Variants in ITGA9 observed in about 807,000 individuals in gnomAD.
ITGA9 encodes the protein integrin subunit alpha 9, also known as integrin alpha-9.
Under a neutral mutation model 127.8 loss-of-function variants are expected in ITGA9, and 56 were observed. The ratio of observed to expected loss-of-function variants is 0.44; its 90% CI spans 0.35 to 0.55. The LOEUF is 0.55. Ranked by LOEUF, ITGA9 falls within the 20% of genes least tolerant of loss-of-function variation. ITGA9 has a pLI of 0.00. For missense variants in ITGA9, 1,196 were observed against 1,347.1 expected (o/e 0.89, Z 1.76); for synonymous variants, 508 against 514.5 (o/e 0.99, Z 0.17).
chr3:37,783,107 C>T lies in ITGA9; in HGVS notation c.2788-1870C>T, dbSNP rs562530067. Reference sequence around the variant, plus strand: ...TGAGCCAAGATCGTGCCATTGCACTCCAGCCTGGGCAACAGAGCGAGACTC... The same window carrying T: ...TGAGCCAAGATCGTGCCATTGCACTTCAGCCTGGGCAACAGAGCGAGACTC... On this transcript the variant is annotated intron_variant, in intron 25 of 27. Coordinates refer to ENST00000264741, the MANE Select transcript of ITGA9 (RefSeq NM_002207.3). Among the ~76,000 whole-genome samples the T allele has an allele frequency of 3.3e-5, 5 of 152,012 alleles. No homozygotes were observed. The East Asian group carries it at 9.7e-4, about 30-fold the overall frequency.
chr3:37,665,986 GAC>G (rs1700582414), intron 17 of ITGA9, among the ~76,000 whole-genome samples: 1 of 152,208 alleles, frequency 6.6e-6, no homozygotes, highest in African/African-American at 2.4e-5. Context: ...GATGAGAGGT[GAC>G]ACAATGCTAC....
intron 21 of ITGA9, among the ~76,000 whole-genome samples, chr3:37,742,148 A>G (rs1199084774): frequency 1.3e-5 from 2 of 152,212 alleles, no homozygotes; most frequent in African/African-American, 4.8e-5. Context: ...AGAATGCTGT[A>G]TGGTAACAAG....
intron 8 of ITGA9, 77 bp from the exon 9 acceptor site, chr3:37,513,686 T>A (rs1187318013): frequency 2.0e-6 from 3 of 1,476,264 alleles, no homozygotes; most frequent in Non-Finnish European, 2.8e-6. Flanking sequence ...CTAAAGCCAA[T>A]GGGGTGGAGG....
At chr3:37,762,119 TCTTTC>T (rs967169820) in intron 23 of ITGA9, among the ~76,000 whole-genome samples, 1 of 152,278 alleles carries the variant, frequency 6.6e-6, no homozygotes, top group African/African-American at 2.4e-5. Flanking sequence ...CCTCTTGAAT[TCTTTC>T]CTTTAGGAAG....
intron 23 of ITGA9, among the ~76,000 whole-genome samples, chr3:37,756,139 T>C (rs944733044): frequency 1.8e-4 from 26 of 147,400 alleles, no homozygotes; most frequent in African/African-American, 6.7e-4. Flanking sequence ...CCTTCAAAGT[T>C]ACCCAGAATG....
At chr3:37,641,294 C>T (rs1033099678) in intron 16 of ITGA9, among the ~76,000 whole-genome samples, 3 of 152,100 alleles carry the variant, frequency 2.0e-5, no homozygotes, top group Non-Finnish European at 4.4e-5. Context: ...GAAACCATCC[C>T]GCCCCCTCCA....
At chr3:37,564,095 C>T (rs1278596350) in intron 15 of ITGA9, among the ~76,000 whole-genome samples, 1 of 152,198 alleles carries the variant, frequency 6.6e-6, no homozygotes, top group Admixed American at 6.5e-5. Flanking sequence ...TTTAGAAGCC[C>T]AGGCACGCAA....
rs6780882 is a variant in ITGA9 at position 37,647,495 on chromosome 3, T to C, written c.1840-6219T>C. Among the ~76,000 whole-genome samples the C allele has an allele frequency of 9.7e-3, 1,465 of 151,604 alleles. 32 individuals are homozygous for C. Among genetic ancestry groups the C allele is most frequent in the African/African-American group, 0.033 (1,344 of 41,200 alleles). On this transcript the variant is annotated intron_variant, in intron 16 of 27. Transcript: ENST00000264741. ...ATAGTAAGAGCACTTGGAATCTACTTTATTGTCAAATTTCCAGTATATAAT... is the reference window on the plus strand; with the variant it reads ...ATAGTAAGAGCACTTGGAATCTACTCTATTGTCAAATTTCCAGTATATAAT...
chr3:37,454,846 T>C (rs1368402382), intron 1 of ITGA9, among the ~76,000 whole-genome samples: 1 of 152,188 alleles, frequency 6.6e-6, no homozygotes, highest in Non-Finnish European at 1.5e-5. Context: ...AATGTATTTT[T>C]TGCTGTATGT....
chr3:37,537,006 G>T (rs562956364), intron 14 of ITGA9, among the ~76,000 whole-genome samples: 1 of 152,322 alleles, frequency 6.6e-6, no homozygotes, highest in African/African-American at 2.4e-5. Flanking sequence ...AACTCTGAAG[G>T]TGGGACCCAC....
chr3:37,539,062 C>T (rs1177672753), intron 14 of ITGA9, among the ~76,000 whole-genome samples: 2 of 152,210 alleles, frequency 1.3e-5, no homozygotes, highest in African/African-American at 2.4e-5. Context: ...TTTCTGTGAA[C>T]TGTGGGTTGT....
intron 23 of ITGA9, among the ~76,000 whole-genome samples, chr3:37,753,062 C>T (rs1211599099): frequency 2.0e-5 from 3 of 152,148 alleles, no homozygotes; most frequent in African/African-American, 7.2e-5. Flanking sequence ...ACTCTGACTT[C>T]CCACAGCACA....
At position 37,803,950 on chromosome 3, in the gene ITGA9, T is replaced by G. The variant is rs556506088; in HGVS notation, c.3009+8T>G. On this transcript the variant is annotated splice_region_variant and intron_variant, in intron 27 of 27. Transcript: ENST00000264741. ...GCCGTGCTGCTCTGGAAGGTGAGTC[T>G]GGTGATTGCAGGTCCCCCTGGGGTC... The G allele has an allele frequency of 6.2e-7, 1 of 1,614,086 alleles. No individual in the cohort carries two copies. Among genetic ancestry groups the G allele is most frequent in the East Asian group, 2.2e-5 (1 of 44,854 alleles).
chr3:37,603,337 A>G (rs1699939085), intron 15 of ITGA9, among the ~76,000 whole-genome samples: 1 of 152,196 alleles, frequency 6.6e-6, no homozygotes, highest in African/African-American at 2.4e-5. Flanking sequence ...TTTACATATT[A>G]TTTACATTGT....
intron 17 of ITGA9, among the ~76,000 whole-genome samples, chr3:37,664,241 A>G (rs1477446414): frequency 6.6e-6 from 1 of 151,996 alleles, no homozygotes; most frequent in Non-Finnish European, 1.5e-5. Context: ...GAAAGCCCCA[A>G]TCCAGAGAGG....
intron 14 of ITGA9, among the ~76,000 whole-genome samples, chr3:37,538,694 G>A (rs1699237411): frequency 6.6e-6 from 1 of 152,198 alleles, no homozygotes; most frequent in South Asian, 2.1e-4. Context: ...TTACCAGTGG[G>A]TGCTGGTAAA....
intron 4 of ITGA9, among the ~76,000 whole-genome samples, chr3:37,488,640 A>G (rs796724405): frequency 2.6e-5 from 4 of 152,078 alleles, no homozygotes; most frequent in African/African-American, 9.6e-5. Flanking sequence ...CTACTAAAAA[A>G]TACAAAAATT....
intron 19 of ITGA9, 143 bp downstream of exon 19, chr3:37,732,941 A>G (rs1245995370): frequency 4.3e-6 from 3 of 702,960 alleles, no homozygotes; most frequent in Non-Finnish European, 7.8e-6. Flanking sequence ...AAGCCCTGAC[A>G]TGCTCCTGTC....
intron 27 of ITGA9, 124 bp downstream of exon 27, chr3:37,804,066 C>CAGT: frequency 7.2e-7 from 1 of 1,391,278 alleles, no homozygotes. Context: ...CAGTGAAGGA[C>CAGT]AGTGACCCTT....
Sources: gnomAD v4.1 joint callset for allele counts (sites outside exome capture counted in the v4.1 genomes callset) on GRCh38, gnomAD v4.1.1 for gene constraint, MANE v1.5 for transcripts, NCBI Gene and HGNC (gene_info 2026-07-23, HGNC 2026-07-21) for gene names.